SESN1: variants seen among roughly 807,000 people sequenced by gnomAD.
The protein encoded by SESN1 is sestrin-1.
SESN1 carries 30 observed loss-of-function variants against 59.3 expected under a neutral mutation model. That is an observed-to-expected ratio of 0.51 (90% confidence interval 0.38 to 0.69). SESN1 has a LOEUF of 0.69. Among genes scored for constraint, SESN1 ranks in the 30% least tolerant of loss-of-function variants. SESN1 has a pLI of 0.00. For synonymous variants in SESN1, 197 were observed against 219.9 expected, an observed-to-expected ratio of 0.90 and a Z score of 0.92; for missense variants, 566 against 673.0, an observed-to-expected ratio of 0.84 and a Z score of 1.76.
Position 108,990,640 on chromosome 6 carries a change from C to T in SESN1, c.1424+5G>A. 1 of 1,613,522 alleles carries T rather than the reference C, an allele frequency of 6.2e-7. No homozygotes were observed. Among genetic ancestry groups the T allele is most frequent in the Non-Finnish European group, 8.5e-7 (1 of 1,179,680 alleles). On this transcript the variant is annotated splice_donor_5th_base_variant and intron_variant, in intron 8 of 9. Transcript: ENST00000436639. ...TCTCTTTATAAACACAGAAAGAAGA[C>T]TAACCTTATTCCAAACATGCAGTGA... is the stretch of plus-strand genomic sequence containing the variant.
intron 7 of SESN1, among the ~76,000 whole-genome samples, chr6:108,991,593 C>T (rs1779385297): frequency 6.6e-6 from 1 of 152,194 alleles, no homozygotes; most frequent in African/African-American, 2.4e-5. Flanking sequence ...CCTTCTCCTA[C>T]CTGCACTTCT....
chr6:109,051,354 G>C (rs1248299508), intron 1 of SESN1, among the ~76,000 whole-genome samples: 1 of 152,112 alleles, frequency 6.6e-6, no homozygotes, highest in African/African-American at 2.4e-5. Context: ...CTACTTCAGT[G>C]AAAAATGTAA....
intron 1 of SESN1, among the ~76,000 whole-genome samples, chr6:109,031,710 C>T (rs1374025695): frequency 6.6e-6 from 1 of 152,150 alleles, no homozygotes; most frequent in Admixed American, 6.5e-5. Flanking sequence ...AATGGCCCAT[C>T]TTTTTCCAAC....
At chr6:109,023,131 C>CT (rs1780037826) in intron 1 of SESN1, among the ~76,000 whole-genome samples, 1 of 152,168 alleles carries the variant, frequency 6.6e-6, no homozygotes, top group Non-Finnish European at 1.5e-5. Flanking sequence ...TAAAAATGTT[C>CT]TATAACATCT....
At chr6:108,995,189 C>G (rs1452892486) in intron 5 of SESN1, among the ~76,000 whole-genome samples, 1 of 151,998 alleles carries the variant, frequency 6.6e-6, no homozygotes, top group African/African-American at 2.4e-5. Context: ...ATGTCATTAC[C>G]ATTTATGCTG....
chr6:109,030,123 T>C (rs1313647415), intron 1 of SESN1, among the ~76,000 whole-genome samples: 1 of 152,178 alleles, frequency 6.6e-6, no homozygotes, highest in East Asian at 1.9e-4. Flanking sequence ...CTGCTTCCTC[T>C]GATTCTCCAC....
rs989931912 is a variant in SESN1, at chr6:108,984,314, T to A, written c.*3230A>T. Among the ~76,000 whole-genome samples the A allele has an allele frequency of 6.6e-6, 1 of 152,142 alleles. No homozygotes were observed. Among genetic ancestry groups the A allele is most frequent in the Non-Finnish European group, 1.5e-5 (1 of 68,030 alleles). ...ACAAAATACCTTAGACTGGGTAATTTATAGATAACAGAAATTTATTGCTCA... is the reference window on the plus strand; with the variant it reads ...ACAAAATACCTTAGACTGGGTAATTAATAGATAACAGAAATTTATTGCTCA... On this transcript the variant is annotated 3_prime_UTR_variant, in exon 10 of 10. Coordinates refer to ENST00000436639, the MANE Select transcript of SESN1 (RefSeq NM_014454.3).
At position 109,026,923 on chromosome 6, in the gene SESN1, C is replaced by G. The variant is rs554570698; in HGVS notation, c.280-24580G>C. Among the ~76,000 whole-genome samples the G allele has an allele frequency of 1.8e-4, 27 of 152,228 alleles. No homozygotes were observed. In the South Asian group the frequency reaches 5.4e-3, roughly 30 times the overall value. On this transcript the variant is annotated intron_variant, in intron 1 of 9. Transcript: ENST00000436639. ...GCCTGGTGGCTCACACCTGTAATCCCAGCACTTCAGGAGCCCAGGATGGAT... is the reference window on the plus strand; with the variant it reads ...GCCTGGTGGCTCACACCTGTAATCCGAGCACTTCAGGAGCCCAGGATGGAT...
intron 1 of SESN1, among the ~76,000 whole-genome samples, chr6:109,012,989 G>A (rs898214880): frequency 2.6e-5 from 4 of 151,872 alleles, no homozygotes; most frequent in Non-Finnish European, 5.9e-5. Context: ...GGTGGTGTGC[G>A]CCTGTAGTCC....
chr6:108,994,184 T>C (rs1379856627), intron 6 of SESN1, among the ~76,000 whole-genome samples: 1 of 145,916 alleles, frequency 6.9e-6, no homozygotes, highest in Non-Finnish European at 1.5e-5. Context: ...AGGGCACTCA[T>C]ATGTTAAGTG....
At chr6:108,990,981 C>T (rs945724437) in intron 7 of SESN1, 146 bp from the exon 8 acceptor site, 7 of 625,902 alleles carry the variant, frequency 1.1e-5, no homozygotes, top group Middle Eastern at 4.5e-4. Flanking sequence ...ACTTACACTC[C>T]AATCTTTTTT....
At chr6:109,038,220 C>A (rs1425512268) in intron 1 of SESN1, among the ~76,000 whole-genome samples, 1 of 152,240 alleles carries the variant, frequency 6.6e-6, no homozygotes, top group East Asian at 1.9e-4. Context: ...CAGCTGGGCA[C>A]AGTGGCTCAC....
chr6:109,054,405 T>TA (rs1780594677), intron 1 of SESN1, among the ~76,000 whole-genome samples: 1 of 152,136 alleles, frequency 6.6e-6, no homozygotes, highest in Non-Finnish European at 1.5e-5. Context: ...TTATAATCCT[T>TA]AAAAAATACA....
At chr6:109,013,564 A>G (rs1463532663) in intron 1 of SESN1, among the ~76,000 whole-genome samples, 2 of 152,242 alleles carry the variant, frequency 1.3e-5, no homozygotes, top group African/African-American at 4.8e-5. Flanking sequence ...TAGAAAAAGC[A>G]GTAATTAGGT....
intron 1 of SESN1, among the ~76,000 whole-genome samples, chr6:109,048,748 A>C (rs928167197): frequency 2.6e-5 from 4 of 152,134 alleles, no homozygotes; most frequent in Non-Finnish European, 5.9e-5. Context: ...TAAATTACCT[A>C]TCTCTTCCTC....
In SESN1 at chr6:109,091,356, G is replaced by A. The variant is rs75427363; in HGVS notation, c.279+2439C>T. 6.8e-3 allele frequency among the ~76,000 whole-genome samples: 1,037 copies of A among 152,248 alleles called. 9 individuals are homozygous for A. The highest frequency in any genetic ancestry group is 0.024 in the African/African-American group (991 of 41,548). ...CACCCTATGATGTTCAAACAAATATGATACCACCTAACGATGCATTTCTCA... is the reference window on the plus strand; with the variant it reads ...CACCCTATGATGTTCAAACAAATATAATACCACCTAACGATGCATTTCTCA... On this transcript the variant is annotated intron_variant, in intron 1 of 9. Transcript: ENST00000436639.
intron 1 of SESN1, among the ~76,000 whole-genome samples, chr6:109,084,843 A>G (rs963251438): frequency 2.0e-5 from 3 of 152,098 alleles, no homozygotes; most frequent in Non-Finnish European, 2.9e-5. Flanking sequence ...TTTAACATGA[A>G]TTTTTTTGTT....
chr6:109,048,298 T>C lies in SESN1; in HGVS notation c.279+45497A>G, dbSNP rs116471224. Among the ~76,000 whole-genome samples the C allele has an allele frequency of 5.7e-3, 868 of 152,224 alleles. 8 individuals are homozygous for C. The highest frequency in any genetic ancestry group is 0.019 in the African/African-American group (779 of 41,526). On this transcript the variant is annotated intron_variant, in intron 1 of 9. Transcript: ENST00000436639. ...GGCAGTTTAACCACAGGTGAATAGT[T>C]TGAGGAGCCACCTTCCTGAGACATT...
chr6:109,025,585 T>C (rs936754984), intron 1 of SESN1, among the ~76,000 whole-genome samples: 1 of 150,676 alleles, frequency 6.6e-6, no homozygotes, highest in Non-Finnish European at 1.5e-5. Flanking sequence ...AATATGCTTT[T>C]TAAAACTTTA....
Sources: gnomAD v4.1 joint callset for allele counts (sites outside exome capture counted in the v4.1 genomes callset) on GRCh38, gnomAD v4.1.1 for gene constraint, MANE v1.5 for transcripts, NCBI Gene and HGNC (gene_info 2026-07-23, HGNC 2026-07-21) for gene names.